The following PTPRD variants were observed in gnomAD, a reference collection of about 807,000 sequenced individuals.
PTPRD encodes protein tyrosine phosphatase receptor type D.
PTPRD carries 34 observed loss-of-function variants against 214.5 expected under a neutral mutation model. The observed-to-expected ratio is 0.16, with a 90% CI of 0.12 to 0.21. The LOEUF is 0.21. PTPRD is among the 10% of genes least tolerant of loss of function. PTPRD has a pLI of 1.00. For missense variants in PTPRD, 2,545 were observed against 2,398.7 expected (o/e 1.06, Z -1.27); for synonymous variants, 1,128 against 845.7 (o/e 1.33, Z -5.79).
chr9:10,418,940 AGT>A (rs1289454997), intron 2 of PTPRD, among the ~76,000 whole-genome samples: 1 of 151,832 alleles, frequency 6.6e-6, no homozygotes, highest in Non-Finnish European at 1.5e-5. Flanking sequence ...TTCTGGGAAT[AGT>A]CTCTACTCTC....
chr9:10,322,772 C>T (rs543677281), intron 3 of PTPRD, among the ~76,000 whole-genome samples: 4 of 152,038 alleles, frequency 2.6e-5, no homozygotes, highest in African/African-American at 9.6e-5. Flanking sequence ...AGAAATAGTA[C>T]ATTTTAAAGG....
At chr9:8,994,659 G>C (rs533451036) in intron 11 of PTPRD, among the ~76,000 whole-genome samples, 1 of 151,908 alleles carries the variant, frequency 6.6e-6, no homozygotes, top group South Asian at 2.1e-4. Flanking sequence ...AATTACGGTT[G>C]GAGGGGGGGT....
At chr9:9,019,368 A>G (rs777507539) in intron 10 of PTPRD, among the ~76,000 whole-genome samples, 3 of 144,786 alleles carry the variant, frequency 2.1e-5, no homozygotes, top group Non-Finnish European at 4.7e-5. Flanking sequence ...AAGAATCTGA[A>G]TTTTAAAATT....
chr9:9,919,670 T>C (rs1483567965), intron 5 of PTPRD, among the ~76,000 whole-genome samples: 1 of 152,158 alleles, frequency 6.6e-6, no homozygotes, highest in Admixed American at 6.6e-5. Context: ...GCTTAATGAT[T>C]TGCATTTTAA....
intron 11 of PTPRD, among the ~76,000 whole-genome samples, chr9:8,931,746 C>G (rs2098954103): frequency 6.6e-6 from 1 of 152,116 alleles, no homozygotes; most frequent in South Asian, 2.1e-4. Context: ...ATGTTACCAG[C>G]TCCTCTTTGT....
intron 3 of PTPRD, among the ~76,000 whole-genome samples, chr9:10,120,610 T>C (rs2154247651): frequency 6.6e-6 from 1 of 152,152 alleles, no homozygotes; most frequent in African/African-American, 2.4e-5. Flanking sequence ...ATATTAAATA[T>C]GTTAGGTTTT....
chr9:10,344,069 T>C (rs1351672295), intron 2 of PTPRD, among the ~76,000 whole-genome samples: 2 of 147,182 alleles, frequency 1.4e-5, no homozygotes, highest in African/African-American at 2.5e-5. Flanking sequence ...TTTGTTGCCA[T>C]TGCTTTTGGT....
intron 14 of PTPRD, among the ~76,000 whole-genome samples, chr9:8,530,409 C>A (rs893659405): frequency 2.3e-4 from 35 of 152,166 alleles, no homozygotes; most frequent in African/African-American, 7.9e-4. Flanking sequence ...TAGGAAGCCA[C>A]GCAGCCAAAG....
At chr9:9,124,939 C>T (rs894568583) in intron 10 of PTPRD, among the ~76,000 whole-genome samples, 1 of 152,154 alleles carries the variant, frequency 6.6e-6, no homozygotes, top group Non-Finnish European at 1.5e-5. Flanking sequence ...ATTTTGTTAA[C>T]TCGTTATAAC....
chr9:8,624,774 T>A (rs533567737), intron 14 of PTPRD, among the ~76,000 whole-genome samples: 1 of 152,008 alleles, frequency 6.6e-6, no homozygotes, highest in Admixed American at 6.6e-5. Flanking sequence ...TTCATGCTTA[T>A]GTAGCTAGAA....
At chr9:9,369,753 A>T (rs1309900300) in intron 9 of PTPRD, among the ~76,000 whole-genome samples, 10 of 151,942 alleles carry the variant, frequency 6.6e-5, no homozygotes, top group East Asian at 1.9e-4. Context: ...GGTCTAACAC[A>T]TAAGTCTTTA....
chr9:9,146,472 A>G (rs1193885692), intron 10 of PTPRD, among the ~76,000 whole-genome samples: 1 of 152,090 alleles, frequency 6.6e-6, no homozygotes, highest in Admixed American at 6.6e-5. Flanking sequence ...GGTTATTCTT[A>G]TGTACACTAA....
chr9:10,324,701 C>T (rs992870353), intron 3 of PTPRD, among the ~76,000 whole-genome samples: 1 of 151,920 alleles, frequency 6.6e-6, no homozygotes, highest in East Asian at 2.0e-4. Context: ...TATTGATCAC[C>T]CCGCCTTCAA....
chr9:9,005,213 C>A (rs1394393894), intron 11 of PTPRD, among the ~76,000 whole-genome samples: 2 of 151,990 alleles, frequency 1.3e-5, no homozygotes, highest in African/African-American at 2.4e-5. Context: ...AACTTTCTAT[C>A]TGATCAGTTC....
rs2086648295 is a variant in PTPRD at position 9,572,149 on chromosome 9, TGA to T, written c.-237+2581_-237+2582del. On this transcript the variant is annotated intron_variant, in intron 8 of 45. Coordinates refer to ENST00000381196, the MANE Select transcript of PTPRD (RefSeq NM_002839.4). ...GTAATGAGAAAATCCACCAAAGAGT[TGA>T]ATATAAAGTGCAAATATTCAGTGGT... Among the ~76,000 whole-genome samples, 2 of 151,412 alleles carry T rather than the reference TGA, an allele frequency of 1.3e-5. 1 individual carries two copies. Among genetic ancestry groups the T allele is most frequent in the South Asian group, 4.1e-4 (2 of 4,828 alleles).
chr9:10,090,676 T>C (rs1346539327), intron 3 of PTPRD, among the ~76,000 whole-genome samples: 1 of 148,164 alleles, frequency 6.7e-6, no homozygotes, highest in Non-Finnish European at 1.5e-5. Context: ...GTAAATGATT[T>C]TTTTTAATGT....
chr9:9,019,793 T>C (rs1369107812), intron 10 of PTPRD, among the ~76,000 whole-genome samples: 1 of 152,206 alleles, frequency 6.6e-6, no homozygotes, highest in African/African-American at 2.4e-5. Context: ...AGTGTTGTAG[T>C]GTTTCGGGAG....
At chr9:9,364,599 G>A (rs1052165852) in intron 9 of PTPRD, among the ~76,000 whole-genome samples, 2 of 151,348 alleles carry the variant, frequency 1.3e-5, no homozygotes, top group African/African-American at 4.8e-5. Context: ...GAGTGGCAGA[G>A]GCACAGTGAG....
At chr9:9,247,302 G>C (rs2099973495) in intron 9 of PTPRD, among the ~76,000 whole-genome samples, 1 of 151,964 alleles carries the variant, frequency 6.6e-6, no homozygotes, top group African/African-American at 2.4e-5. Flanking sequence ...ATTACTATTA[G>C]ATCATTCCAT....
Sources: allele counts gnomAD v4.1 joint callset (sites outside exome capture counted in the v4.1 genomes callset), GRCh38; gene constraint gnomAD v4.1.1; transcripts MANE v1.5; gene names NCBI Gene and HGNC (gene_info 2026-07-23, HGNC 2026-07-21).